Variants in CEP70 observed in about 807,000 individuals in gnomAD.
The protein encoded by CEP70 is centrosomal protein of 70 kDa.
A neutral mutation model predicts 90.9 loss-of-function variants in CEP70; 70 were observed. The ratio of observed to expected loss-of-function variants is 0.77; its 90% CI spans 0.64 to 0.94. The LOEUF (loss-of-function observed/expected upper bound fraction) is 0.94. Ranked by LOEUF, CEP70 falls within the 40% of genes least tolerant of loss-of-function variation. The pLI, the probability that CEP70 is intolerant of heterozygous loss-of-function variation, is 0.00. For synonymous variants in CEP70, 220 were observed against 228.3 expected, an observed-to-expected ratio of 0.96 and a Z score of 0.33; for missense variants, 648 against 669.0, an observed-to-expected ratio of 0.97 and a Z score of 0.35.
At chr3:138,532,402 T>G in intron 8 of CEP70, 112 bp downstream of exon 8, 41 of 877,356 alleles carry the variant, frequency 4.7e-5, no homozygotes, top group Non-Finnish European at 5.9e-5. Context: ...AACTTCACAG[T>G]GACATATTAG....
At chr3:138,529,922 T>C (rs533225712) in intron 8 of CEP70, among the ~76,000 whole-genome samples, 1 of 152,376 alleles carries the variant, frequency 6.6e-6, no homozygotes, top group African/African-American at 2.4e-5. Flanking sequence ...ACAGATTTAA[T>C]AGTCTTGGTT....
chr3:138,500,180 G>A lies in CEP70; in HGVS notation c.1582C>T (p.Leu528Phe). Residue 528 changes from leucine to phenylalanine, a missense_variant, in exon 16 of 18, where the codon CTC (leucine) becomes TTC (phenylalanine). Transcript: ENST00000264982. The part of the protein sequence containing the change: ...LCVLVSTVGK[L>F]CRLINEDVNE... ...ACATCTTCATTAATCAGCCTACAGA[G>A]TTTTCCAACAGTGCTTACTAGCACA... is the stretch of plus-strand genomic sequence containing the variant. 3.1e-6 allele frequency: 5 copies of A among 1,613,810 alleles called. No homozygotes were observed. The highest frequency in any genetic ancestry group is 3.4e-6 in the Non-Finnish European group (4 of 1,179,722).
intron 11 of CEP70, among the ~76,000 whole-genome samples, chr3:138,515,850 T>C (rs2035965090): frequency 6.6e-6 from 1 of 152,156 alleles, no homozygotes; most frequent in South Asian, 2.1e-4. Flanking sequence ...ACATCCTCCT[T>C]CTCCTAGTTG....
At chr3:138,593,511 C>T (rs2042494024) in intron 1 of CEP70, among the ~76,000 whole-genome samples, 1 of 152,228 alleles carries the variant, frequency 6.6e-6, no homozygotes, top group Non-Finnish European at 1.5e-5. Flanking sequence ...GCGTAAGCCA[C>T]TGCGCCCTGC....
At chr3:138,521,077 C>A (rs919632515) in intron 11 of CEP70, among the ~76,000 whole-genome samples, 4 of 152,142 alleles carry the variant, frequency 2.6e-5, no homozygotes, top group African/African-American at 9.7e-5. Flanking sequence ...CCCGAGGTGC[C>A]GGGATTGCAG....
intron 11 of CEP70, among the ~76,000 whole-genome samples, chr3:138,524,291 A>T (rs62280662): frequency 2.0e-5 from 3 of 150,722 alleles, no homozygotes; most frequent in African/African-American, 4.9e-5. Flanking sequence ...AACCTAGGCA[A>T]TACCATTCAG....
At position 138,553,783 on chromosome 3, in the gene CEP70, T is replaced by A. The variant is rs192849059; in HGVS notation, c.466-16436A>T. Among the ~76,000 whole-genome samples, 19 of 152,302 alleles carry A rather than the reference T, an allele frequency of 1.2e-4. No homozygotes were observed. In the East Asian group the frequency reaches 3.7e-3, roughly 29 times the overall value. On this transcript the variant is annotated intron_variant, in intron 6 of 17. Transcript: ENST00000264982. ...AGATAATCCACCATGATCAAGTGGG[T>A]CTTATACCAGGTATGCAGGGATAGT...
chr3:138,497,122 A>G (rs1237311402), intron 17 of CEP70: 1 of 1,059,578 alleles, frequency 9.4e-7, no homozygotes, highest in Non-Finnish European at 1.1e-6. Flanking sequence ...TTTAAACATG[A>G]GGACAAGCCT....
chr3:138,572,895 G>A lies in CEP70; in HGVS notation c.33C>T (p.Ser11=), dbSNP rs779882512. ...TCATGAGTCTGTCTGATGGTTGACT[G>A]GAATCCTGGGGTTTAGGGGCTACCG... MFPVAPKPQD[S]SQPSDRLMTE... Residue 11 remains serine (S), a synonymous_variant, in exon 3 of 18, where the codon TCC becomes TCT. Coordinates refer to ENST00000264982, the MANE Select transcript of CEP70 (RefSeq NM_024491.4). The A allele has an allele frequency of 6.2e-7, 1 of 1,610,826 alleles. No individual in the cohort carries two copies. Among genetic ancestry groups the A allele is most frequent in the South Asian group, 1.1e-5 (1 of 90,630 alleles).
At chr3:138,495,974 T>C in intron 17 of CEP70, 2 of 985,440 alleles carry the variant, frequency 2.0e-6, no homozygotes, top group Non-Finnish European at 2.4e-6. Flanking sequence ...CCAGGCTCTT[T>C]TTTGACAGGC....
chr3:138,543,375 A>G (rs1430267615), intron 6 of CEP70, among the ~76,000 whole-genome samples: 1 of 152,210 alleles, frequency 6.6e-6, no homozygotes, highest in Non-Finnish European at 1.5e-5. Context: ...CCCCGAGTGT[A>G]CACACACCTG....
chr3:138,520,788 C>T (rs1197115797), intron 11 of CEP70, among the ~76,000 whole-genome samples: 3 of 152,050 alleles, frequency 2.0e-5, no homozygotes, highest in Non-Finnish European at 1.5e-5. Flanking sequence ...AGCTCCCTCT[C>T]CCTCTCCCTT....
rs189223969 is a variant in CEP70 at position 138,572,515 on chromosome 3, A to G, written c.69+344T>C. 1.8e-3 allele frequency among the ~76,000 whole-genome samples: 273 copies of G among 152,344 alleles called. 2 individuals are homozygous for G. The highest frequency in any genetic ancestry group is 6.3e-3 in the African/African-American group (261 of 41,580). ...CATATTTTGAATGATTAACTTATACATATTGTTTCCTGATACCTCTTACAT... is the reference window on the plus strand; with the variant it reads ...CATATTTTGAATGATTAACTTATACGTATTGTTTCCTGATACCTCTTACAT... On this transcript the variant is annotated intron_variant, in intron 3 of 17. Transcript: ENST00000264982.
chr3:138,571,215 T>C (rs1173106880), intron 4 of CEP70, 51 bp downstream of exon 4: 1 of 1,560,622 alleles, frequency 6.4e-7, no homozygotes, highest in Non-Finnish European at 8.7e-7. Flanking sequence ...AAAAATTTTT[T>C]AAGGAAAAAT....
At chr3:138,563,136 C>T (rs2040529355) in intron 6 of CEP70, among the ~76,000 whole-genome samples, 1 of 150,332 alleles carries the variant, frequency 6.7e-6, no homozygotes. Flanking sequence ...GGGATCAGTG[C>T]AACAAGAGCT....
In CEP70 at chr3:138,566,819, A is replaced by ATAT. The variant is rs57654678; in HGVS notation, c.465+3498_465+3499insATA. On this transcript the variant is annotated intron_variant, in intron 6 of 17. Transcript: ENST00000264982. ...GAACTTAAAGTATATATATATATATAAAAAAAAAACTTAAATGTATACTTA... is the reference window on the plus strand; with the variant it reads ...GAACTTAAAGTATATATATATATATATATAAAAAAAAACTTAAATGTATACTTA... Among the ~76,000 whole-genome samples, 221 of 147,388 alleles carry ATAT rather than the reference A, an allele frequency of 1.5e-3. 6 individuals are homozygous for ATAT. In the East Asian group the frequency reaches 0.038, roughly 26 times the overall value.
chr3:138,547,763 G>C (rs574866831), intron 6 of CEP70, among the ~76,000 whole-genome samples: 14 of 152,306 alleles, frequency 9.2e-5, no homozygotes, highest in African/African-American at 3.4e-4. Flanking sequence ...TGGGCAGGTA[G>C]CACATACAGT....
In CEP70 at chr3:138,538,107, C is replaced by G. The variant is rs2038440147; in HGVS notation, c.466-760G>C. Among the ~76,000 whole-genome samples, 2 of 152,182 alleles carry G rather than the reference C, an allele frequency of 1.3e-5. 1 individual carries two copies. Among genetic ancestry groups the G allele is most frequent in the South Asian group, 4.1e-4 (2 of 4,834 alleles). ...AGATCAAGACCAACTTCCCCACTAT[C>G]TTGGGTTCCTTGCAGGAGAACTGTT... On this transcript the variant is annotated intron_variant, in intron 6 of 17. Coordinates refer to ENST00000264982, the MANE Select transcript of CEP70 (RefSeq NM_024491.4).
intron 6 of CEP70, among the ~76,000 whole-genome samples, chr3:138,566,641 C>G (rs1560426368): frequency 6.6e-6 from 1 of 151,970 alleles, no homozygotes; most frequent in Admixed American, 6.6e-5. Flanking sequence ...AGGGGAACAT[C>G]ACACACTGGG....
Sources: gnomAD v4.1 joint callset for allele counts (sites outside exome capture counted in the v4.1 genomes callset) on GRCh38, gnomAD v4.1.1 for gene constraint, MANE v1.5 for transcripts, NCBI Gene and HGNC (gene_info 2026-07-23, HGNC 2026-07-21) for gene names.